The following CNTN5 variants were observed in gnomAD, a reference collection of about 807,000 sequenced individuals.
CNTN5 encodes contactin-5.
CNTN5 carries 77 observed loss-of-function variants against 129.1 expected under a neutral mutation model. The ratio of observed to expected loss-of-function variants is 0.60; its 90% CI spans 0.50 to 0.72. The LOEUF is 0.72. Among genes scored for constraint, CNTN5 ranks in the 30% least tolerant of loss-of-function variants. The probability of loss-of-function intolerance (pLI) is 0.00; values close to 1 mark genes in which losing one functional copy is unlikely to be tolerated. For synonymous variants in CNTN5, 509 were observed against 465.6 expected (o/e 1.09, Z -1.20); for missense variants, 1,478 against 1,328.8 (o/e 1.11, Z -1.75).
chr11:99,859,373 T>C (rs1948138283), intron 6 of CNTN5, among the ~76,000 whole-genome samples: 1 of 152,226 alleles, frequency 6.6e-6, no homozygotes, highest in Non-Finnish European at 1.5e-5. Context: ...CCAACTCTTA[T>C]TTTAGATTCA....
intron 16 of CNTN5, among the ~76,000 whole-genome samples, chr11:100,229,062 G>A (rs909575444): frequency 1.3e-5 from 2 of 152,096 alleles, no homozygotes; most frequent in African/African-American, 4.8e-5. Context: ...GGAAGCTAGC[G>A]CTAACTAATT....
chr11:99,779,825 A>C (rs1945250987), intron 3 of CNTN5, among the ~76,000 whole-genome samples: 1 of 152,010 alleles, frequency 6.6e-6, no homozygotes, highest in African/African-American at 2.4e-5. Flanking sequence ...TAATATGCAG[A>C]ACTATAAGTT....
At chr11:99,793,219 C>G (rs1035796555) in intron 3 of CNTN5, among the ~76,000 whole-genome samples, 1 of 152,050 alleles carries the variant, frequency 6.6e-6, no homozygotes, top group Non-Finnish European at 1.5e-5. Flanking sequence ...GCCACCACGC[C>G]CAACTAATGT....
intron 3 of CNTN5, among the ~76,000 whole-genome samples, chr11:99,667,680 C>T (rs915187858): frequency 3.9e-5 from 6 of 152,094 alleles, no homozygotes; most frequent in African/African-American, 1.4e-4. Context: ...TCATCCTCGG[C>T]AAACTAACAC....
chr11:99,259,101 T>C (rs754911833), intron 1 of CNTN5, among the ~76,000 whole-genome samples: 17 of 151,908 alleles, frequency 1.1e-4, no homozygotes, highest in Non-Finnish European at 2.4e-4. Flanking sequence ...ATGAATAACA[T>C]ACACACATAA....
At chr11:99,570,374 G>A (rs1949138752) in intron 3 of CNTN5, among the ~76,000 whole-genome samples, 2 of 152,208 alleles carry the variant, frequency 1.3e-5, no homozygotes, top group South Asian at 2.1e-4. Flanking sequence ...CCAACATGCA[G>A]CATTTGTTTC....
At chr11:100,345,256 T>A (rs919519127) in intron 23 of CNTN5, among the ~76,000 whole-genome samples, 2 of 152,140 alleles carry the variant, frequency 1.3e-5, no homozygotes, top group Non-Finnish European at 2.9e-5. Flanking sequence ...AGCAGTATCC[T>A]CAAGAGGGGA....
rs543232237 is a variant in CNTN5, at chr11:99,989,532, A to G, written c.878-12502A>G. On this transcript the variant is annotated intron_variant, in intron 8 of 24. Transcript: ENST00000524871. ...AGATAGACACATACACACACACTTC[A>G]CCAAGTCAAATTAACCTTAAATTGT... 1.3e-3 allele frequency among the ~76,000 whole-genome samples: 194 copies of G among 151,286 alleles called. 1 individual carries two copies. The highest frequency in any genetic ancestry group is 4.6e-3 in the African/African-American group (190 of 41,260).
chr11:99,586,885 C>T (rs546332446), intron 3 of CNTN5, among the ~76,000 whole-genome samples: 3 of 152,258 alleles, frequency 2.0e-5, no homozygotes, highest in South Asian at 2.1e-4. Context: ...ACTCAGGGCA[C>T]CATAAAGTGC....
At chr11:99,388,653 C>T (rs560190254) in intron 2 of CNTN5, among the ~76,000 whole-genome samples, 2 of 152,200 alleles carry the variant, frequency 1.3e-5, no homozygotes, top group East Asian at 1.9e-4. Flanking sequence ...ACATTGTAAA[C>T]ATGTACTTAA....
intron 3 of CNTN5, among the ~76,000 whole-genome samples, chr11:99,614,374 C>T (rs1950691813): frequency 6.6e-6 from 1 of 152,148 alleles, no homozygotes; most frequent in East Asian, 1.9e-4. Context: ...TTCAAGCTTT[C>T]ATACTTATAT....
chr11:99,652,312 A>G (rs1952186732), intron 3 of CNTN5, among the ~76,000 whole-genome samples: 2 of 152,028 alleles, frequency 1.3e-5, no homozygotes, highest in Admixed American at 1.3e-4. Flanking sequence ...CAGCAGGGCA[A>G]TCTATCTTCA....
chr11:99,520,514 A>G (rs1947237545), intron 2 of CNTN5, among the ~76,000 whole-genome samples: 1 of 152,124 alleles, frequency 6.6e-6, no homozygotes, highest in Admixed American at 6.6e-5. Flanking sequence ...TCTGGAAAAG[A>G]ATTAAGCAGC....
rs189606053 is a variant in CNTN5 at position 99,395,105 on chromosome 11, A to G, written c.-71+69621A>G. ...TGGTATCTCTATCTTTAGGTCTTTG[A>G]GGAATCACCTCACTGTCTTCCATAA... On this transcript the variant is annotated intron_variant, in intron 2 of 24. Transcript: ENST00000524871. Among the ~76,000 whole-genome samples, 13 of 151,964 alleles carry G rather than the reference A, an allele frequency of 8.6e-5. No individual in the cohort carries two copies. The East Asian group carries it at 1.5e-3, about 18-fold the overall frequency.
intron 7 of CNTN5, among the ~76,000 whole-genome samples, chr11:99,941,498 G>T (rs1027715137): frequency 6.6e-6 from 1 of 150,676 alleles, no homozygotes; most frequent in African/African-American, 2.4e-5. Flanking sequence ...ATAAAACATA[G>T]TCAAGATTTC....
At chr11:99,158,126 A>G (rs1285055932) in intron 1 of CNTN5, among the ~76,000 whole-genome samples, 3 of 152,188 alleles carry the variant, frequency 2.0e-5, no homozygotes, top group East Asian at 1.9e-4. Flanking sequence ...CATGAATTTT[A>G]GAGTCATGTA....
intron 2 of CNTN5, among the ~76,000 whole-genome samples, chr11:99,359,919 G>T (rs1387692510): frequency 6.6e-6 from 1 of 152,036 alleles, no homozygotes; most frequent in African/African-American, 2.4e-5. Context: ...GAACAACTTG[G>T]ATTAAAAATC....
intron 6 of CNTN5, among the ~76,000 whole-genome samples, chr11:99,897,732 C>A (rs377217585): frequency 6.6e-6 from 1 of 151,730 alleles, no homozygotes; most frequent in South Asian, 2.1e-4. Flanking sequence ...AAAGCAACTG[C>A]GTAATTAAAA....
At chr11:99,227,379 A>G (rs1860749135) in intron 1 of CNTN5, among the ~76,000 whole-genome samples, 1 of 152,000 alleles carries the variant, frequency 6.6e-6, no homozygotes, top group Non-Finnish European at 1.5e-5. Context: ...AAAAGAAAGA[A>G]AAATTATGAT....
Sources: gnomAD v4.1 joint callset for allele counts (sites outside exome capture counted in the v4.1 genomes callset) on GRCh38, gnomAD v4.1.1 for gene constraint, MANE v1.5 for transcripts, NCBI Gene and HGNC (gene_info 2026-07-23, HGNC 2026-07-21) for gene names.